PDZD2: variants seen among roughly 807,000 people sequenced by gnomAD.
The protein encoded by PDZD2 is PDZ domain-containing protein 2.
Under a neutral mutation model 220.7 loss-of-function variants are expected in PDZD2, and 90 were observed. The observed-to-expected ratio is 0.41, with a 90% CI of 0.34 to 0.49. The LOEUF (loss-of-function observed/expected upper bound fraction) is 0.49. Ranked by LOEUF, PDZD2 falls within the 20% of genes least tolerant of loss-of-function variation. The pLI, the probability that PDZD2 is intolerant of heterozygous loss-of-function variation, is 0.28. For missense variants in PDZD2, 3,174 were observed against 3,608.5 expected, an observed-to-expected ratio of 0.88 and a Z score of 3.08; for synonymous variants, 1,375 against 1,450.5, an observed-to-expected ratio of 0.95 and a Z score of 1.18.
rs867540339 is a variant in PDZD2, at chr5:31,979,596, A to C, written c.477-3559A>C. ...CTCTGTCTCAAAAAAAAAAAAAAAA[A>C]ATCATTTTTTCCAGGTTTATGTTTT... On this transcript the variant is annotated intron_variant, in intron 2 of 24. Transcript: ENST00000438447. Among the ~76,000 whole-genome samples, 10 of 139,480 alleles carry C rather than the reference A, an allele frequency of 7.2e-5. No individual in the cohort carries two copies. In the South Asian group the frequency reaches 2.2e-3, roughly 30 times the overall value. The allele number at this position is 139,480 out of a possible 152,430, so 91.5% of individuals were successfully genotyped here.
At chr5:31,970,788 G>T (rs903188437) in intron 2 of PDZD2, among the ~76,000 whole-genome samples, 17 of 152,292 alleles carry the variant, frequency 1.1e-4, no homozygotes, top group African/African-American at 3.6e-4. Context: ...GAAAGAATTT[G>T]AATGTGCTTA....
Position 31,921,699 on chromosome 5 carries a change from AT to A in PDZD2, c.477-61446del, listed in dbSNP as rs1361891863. Among the ~76,000 whole-genome samples the A allele has an allele frequency of 8.9e-4, 134 of 150,850 alleles. 1 individual carries two copies. Among genetic ancestry groups the A allele is most frequent in the African/African-American group, 2.7e-3 (111 of 41,140 alleles). On this transcript the variant is annotated intron_variant, in intron 2 of 24. Transcript: ENST00000438447. ...AGTGAGACCCCATCTCAAAAAAAAA[AT>A]TTTTTTTTTGAAGCTCTTGAGCCGA...
intron 2 of PDZD2, among the ~76,000 whole-genome samples, chr5:31,913,456 T>G (rs1286980463): frequency 1.3e-5 from 2 of 152,210 alleles, no homozygotes; most frequent in African/African-American, 4.8e-5. Flanking sequence ...TGATTAATTA[T>G]CTAGTTTGTA....
intron 2 of PDZD2, among the ~76,000 whole-genome samples, chr5:31,821,213 C>T (rs1248295623): frequency 6.6e-6 from 1 of 151,744 alleles, no homozygotes; most frequent in Non-Finnish European, 1.5e-5. Flanking sequence ...CTCTCTTCTA[C>T]CAATTTTAGT....
chr5:31,718,694 A>ATTTTTT (rs34261021), intron 1 of PDZD2, among the ~76,000 whole-genome samples: 66 of 74,636 alleles, frequency 8.8e-4, no homozygotes, highest in Non-Finnish European at 9.9e-4. Context: ...TAACAGCCTC[A>ATTTTTT]TTTTTTTTTT....
At chr5:31,877,056 A>T (rs1396094568) in intron 2 of PDZD2, among the ~76,000 whole-genome samples, 1 of 152,188 alleles carries the variant, frequency 6.6e-6, no homozygotes, top group Non-Finnish European at 1.5e-5. Context: ...GAGTTACTGC[A>T]TGTGTCCTGC....
At chr5:31,745,630 T>G (rs1750554007) in intron 1 of PDZD2, among the ~76,000 whole-genome samples, 1 of 152,286 alleles carries the variant, frequency 6.6e-6, no homozygotes, top group South Asian at 2.1e-4. Flanking sequence ...CAAAAAGCAT[T>G]CCATTAGCCT....
At chr5:32,048,514 A>G (rs775950519) in intron 7 of PDZD2, 25 bp from the exon 8 acceptor site, 5 of 1,603,298 alleles carry the variant, frequency 3.1e-6, no homozygotes, top group East Asian at 4.5e-5. Context: ...ATATCAAACT[A>G]TGTTTTCTCC....
chr5:31,696,162 C>T (rs1010912415), intron 1 of PDZD2, among the ~76,000 whole-genome samples: 12 of 152,044 alleles, frequency 7.9e-5, no homozygotes, highest in Non-Finnish European at 1.2e-4. Context: ...AATCATACAG[C>T]ATGTGGATGG....
intron 2 of PDZD2, among the ~76,000 whole-genome samples, chr5:31,895,115 C>T (rs931085911): frequency 6.6e-6 from 1 of 152,196 alleles, no homozygotes; most frequent in Non-Finnish European, 1.5e-5. Flanking sequence ...GTCTCAAACT[C>T]CTAACCTCGT....
chr5:31,759,997 GGA>G (rs1751536321), intron 1 of PDZD2, among the ~76,000 whole-genome samples: 2 of 152,190 alleles, frequency 1.3e-5, no homozygotes, highest in Non-Finnish European at 2.9e-5. Context: ...TCCAACCTCA[GGA>G]CTCTGCATTT....
intron 5 of PDZD2, among the ~76,000 whole-genome samples, chr5:32,002,418 C>G (rs1215175361): frequency 6.6e-6 from 1 of 152,084 alleles, no homozygotes; most frequent in Non-Finnish European, 1.5e-5. Context: ...TCTGTAGCCC[C>G]TCGCCGGAAA....
At chr5:31,851,441 G>A (rs969390717) in intron 2 of PDZD2, among the ~76,000 whole-genome samples, 2 of 152,100 alleles carry the variant, frequency 1.3e-5, no homozygotes, top group African/African-American at 4.8e-5. Context: ...CTTGAATCTA[G>A]ACATTAAGCC....
At chr5:31,930,584 C>T (rs1222076235) in intron 2 of PDZD2, among the ~76,000 whole-genome samples, 2 of 152,044 alleles carry the variant, frequency 1.3e-5, no homozygotes, top group Non-Finnish European at 2.9e-5. Flanking sequence ...GGTGTTTAGG[C>T]GTTATCCTTT....
intron 2 of PDZD2, among the ~76,000 whole-genome samples, chr5:31,896,324 G>A (rs989505879): frequency 1.8e-4 from 2 of 11,366 alleles, no homozygotes; most frequent in African/African-American, 1.0e-3. Context: ...TGATACTCTC[G>A]TGTGTGTGTG....
intron 2 of PDZD2, among the ~76,000 whole-genome samples, chr5:31,855,487 G>GT (rs1208194136): frequency 6.6e-6 from 1 of 152,244 alleles, no homozygotes; most frequent in Non-Finnish European, 1.5e-5. Flanking sequence ...GAGGGGACAG[G>GT]TAATAGGGGG....
At chr5:31,730,763 A>C (rs997469470) in intron 1 of PDZD2, among the ~76,000 whole-genome samples, 3 of 152,158 alleles carry the variant, frequency 2.0e-5, no homozygotes. Context: ...TGGATGGTGA[A>C]ATTATTTACA....
intron 7 of PDZD2, among the ~76,000 whole-genome samples, chr5:32,045,232 T>C: frequency 6.6e-6 from 1 of 152,220 alleles, no homozygotes; most frequent in East Asian, 1.9e-4. Context: ...GTTCCAACTC[T>C]TTCCACTAAG....
At chr5:31,883,058 G>A (rs1740078993) in intron 2 of PDZD2, among the ~76,000 whole-genome samples, 2 of 146,966 alleles carry the variant, frequency 1.4e-5, no homozygotes, top group Admixed American at 1.3e-4. Context: ...AGGCCCAGGG[G>A]GCATAAGAAA....
Sources: allele counts gnomAD v4.1 joint callset (sites outside exome capture counted in the v4.1 genomes callset), GRCh38; gene constraint gnomAD v4.1.1; transcripts MANE v1.5; gene names NCBI Gene and HGNC (gene_info 2026-07-23, HGNC 2026-07-21).